VAPB: variants seen among roughly 807,000 people sequenced by gnomAD.
VAPB encodes vesicle-associated membrane protein-associated protein B/C.
VAPB carries 7 observed loss-of-function variants against 25.6 expected under a neutral mutation model. The ratio of observed to expected loss-of-function variants is 0.27; its 90% CI spans 0.16 to 0.51. The LOEUF (loss-of-function observed/expected upper bound fraction) is 0.51, where lower values mean the gene tolerates loss of function less well. VAPB is among the 20% of genes least tolerant of loss of function. The pLI is 0.97. For synonymous variants in VAPB, 112 were observed against 109.2 expected (o/e 1.03, Z -0.16); for missense variants, 266 against 301.3 (o/e 0.88, Z 0.87).
At chr20:58,395,428 C>A (rs1987932137) in intron 1 of VAPB, among the ~76,000 whole-genome samples, 1 of 152,150 alleles carries the variant, frequency 6.6e-6, no homozygotes, top group Non-Finnish European at 1.5e-5. Flanking sequence ...GGATTACAGA[C>A]ATGAGCCTCT....
intron 1 of VAPB, among the ~76,000 whole-genome samples, chr20:58,417,103 C>G (rs956251537): frequency 3.3e-5 from 5 of 152,140 alleles, no homozygotes; most frequent in Admixed American, 6.5e-5. Context: ...GAGTAAAGGA[C>G]TTGCCTAGAG....
chr20:58,434,411 T>C (rs1005289241), intron 2 of VAPB, among the ~76,000 whole-genome samples, 191 bp from the exon 3 acceptor site: 13 of 152,162 alleles, frequency 8.5e-5, no homozygotes, highest in Non-Finnish European at 7.3e-5. Flanking sequence ...ATGCGTGATT[T>C]TGTGGCTCTT....
intron 1 of VAPB, among the ~76,000 whole-genome samples, chr20:58,415,786 A>G (rs1350736421): frequency 6.6e-6 from 1 of 152,264 alleles, no homozygotes; most frequent in African/African-American, 2.4e-5. Context: ...AAAAGTCTGA[A>G]TGATGCTCAT....
At chr20:58,424,845 G>A (rs1456259881) in intron 2 of VAPB, among the ~76,000 whole-genome samples, 2 of 152,172 alleles carry the variant, frequency 1.3e-5, no homozygotes, top group Non-Finnish European at 2.9e-5. Context: ...GGAAAATCCT[G>A]TAGAGAACAC....
chr20:58,409,814 A>AAGGATAT (rs1389492152), intron 1 of VAPB, among the ~76,000 whole-genome samples: 1 of 152,064 alleles, frequency 6.6e-6, no homozygotes, highest in African/African-American at 2.4e-5. Context: ...ATAACAAAGG[A>AAGGATAT]AGGATATGTA....
chr20:58,413,663 C>T (rs1988439609), intron 1 of VAPB, among the ~76,000 whole-genome samples: 1 of 151,880 alleles, frequency 6.6e-6, no homozygotes, highest in African/African-American at 2.4e-5. Context: ...CTGTTGGGCA[C>T]ACCTCCCAGA....
intron 1 of VAPB, among the ~76,000 whole-genome samples, chr20:58,405,368 C>T (rs1230391380): frequency 2.6e-5 from 4 of 152,146 alleles, no homozygotes; most frequent in African/African-American, 9.7e-5. Flanking sequence ...AAGAAGAGGG[C>T]AGGAGCCTTG....
At chr20:58,428,796 T>C (rs759659331) in intron 2 of VAPB, among the ~76,000 whole-genome samples, 6 of 152,194 alleles carry the variant, frequency 3.9e-5, no homozygotes, top group Non-Finnish European at 7.4e-5. Context: ...ATAGAGCAAA[T>C]TGAATTTGAC....
At chr20:58,400,115 C>G (rs1205710281) in intron 1 of VAPB, among the ~76,000 whole-genome samples, 1 of 152,186 alleles carries the variant, frequency 6.6e-6, no homozygotes, top group Admixed American at 6.5e-5. Flanking sequence ...GTACCCGGGT[C>G]TTACAGCCTC....
chr20:58,444,811 G>A lies in VAPB; in HGVS notation c.*576G>A, dbSNP rs977380643. ...TCAGACGTACTCGTCATAAGTGAGA[G>A]GCGTGTGTTGACTGATTGACCCAGC... is the stretch of plus-strand genomic sequence containing the variant. On this transcript the variant is annotated 3_prime_UTR_variant, in exon 6 of 6. Coordinates refer to ENST00000475243, the MANE Select transcript of VAPB (RefSeq NM_004738.5). 35 of 454,470 alleles carry A rather than the reference G, an allele frequency of 7.7e-5. No homozygotes were observed. The highest frequency in any genetic ancestry group is 1.5e-4 in the Non-Finnish European group (34 of 226,804). 28.2% of individuals were successfully genotyped at this position (454,470 alleles called of 1,614,324 possible).
At chr20:58,414,597 G>A (rs1054998655) in intron 1 of VAPB, among the ~76,000 whole-genome samples, 5 of 150,234 alleles carry the variant, frequency 3.3e-5, no homozygotes, top group African/African-American at 1.2e-4. Flanking sequence ...GGGCGGCGGG[G>A]CAGAGGCGCT....
intron 5 of VAPB, among the ~76,000 whole-genome samples, chr20:58,442,051 G>A (rs1009920070): frequency 3.9e-5 from 6 of 152,224 alleles, no homozygotes; most frequent in African/African-American, 1.4e-4. Flanking sequence ...TTGTGGTGGT[G>A]TGGAAGTTGC....
At chr20:58,443,938 T>G (rs981188154) in intron 5 of VAPB, 139 bp from the exon 6 acceptor site, 10 of 1,221,026 alleles carry the variant, frequency 8.2e-6, no homozygotes, top group Non-Finnish European at 1.2e-5. Context: ...AGCCTGCAGT[T>G]TCTCCGTTTG....
intron 1 of VAPB, among the ~76,000 whole-genome samples, chr20:58,392,726 T>A (rs1987837381): frequency 6.6e-6 from 1 of 152,234 alleles, no homozygotes; most frequent in Non-Finnish European, 1.5e-5. Flanking sequence ...GGAAAAATTA[T>A]CTTTTAAATG....
chr20:58,437,583 A>G (rs1989076608), intron 3 of VAPB, among the ~76,000 whole-genome samples: 1 of 152,212 alleles, frequency 6.6e-6, no homozygotes, highest in Admixed American at 6.5e-5. Flanking sequence ...CCTGCTCGCC[A>G]GCAGTCTTTC....
At position 58,449,218 on chromosome 20, in the gene VAPB, T is replaced by G; in HGVS notation, c.*4983T>G. On this transcript the variant is annotated 3_prime_UTR_variant, in exon 6 of 6. Coordinates refer to ENST00000475243, the MANE Select transcript of VAPB (RefSeq NM_004738.5). ...CCACAGCCTAGAACATTAGCTGAGC[T>G]GCACAAGCTCACCCACCCCTGTGCC... 1 of 454,156 alleles carries G rather than the reference T, an allele frequency of 2.2e-6. No homozygotes were observed. The highest frequency in any genetic ancestry group is 4.4e-6 in the Non-Finnish European group (1 of 226,800). 28.1% of individuals were successfully genotyped at this position (454,156 alleles called of 1,614,324 possible). A position where few individuals can be genotyped will look rare whatever the true frequency, so the allele number is the denominator to read the frequency against.
At chr20:58,412,315 C>T (rs574322814) in intron 1 of VAPB, among the ~76,000 whole-genome samples, 1 of 152,094 alleles carries the variant, frequency 6.6e-6, no homozygotes, top group African/African-American at 2.4e-5. Flanking sequence ...CGTGGAGGCT[C>T]ACACCTCTAA....
intron 2 of VAPB, among the ~76,000 whole-genome samples, chr20:58,430,210 A>C (rs1236856266): frequency 6.6e-6 from 1 of 151,860 alleles, no homozygotes; most frequent in Non-Finnish European, 1.5e-5. Flanking sequence ...AAAAATTAGG[A>C]GACTGATACT....
chr20:58,450,076 G>A lies in VAPB; in HGVS notation c.*5841G>A, dbSNP rs369627857. ...AGAAATGAGTGTGCACGTTTCACAC[G>A]TTGACTTGCCGGTTTTTCCATGTCA... On this transcript the variant is annotated 3_prime_UTR_variant, in exon 6 of 6. Transcript: ENST00000475243. 1.1e-5 allele frequency: 5 copies of A among 453,918 alleles called. No individual in the cohort carries two copies. Among genetic ancestry groups the A allele is most frequent in the African/African-American group, 4.0e-5 (2 of 49,982 alleles). 28.1% of individuals were successfully genotyped at this position (453,918 alleles called of 1,614,324 possible).
Sources: gnomAD v4.1 joint callset for allele counts (sites outside exome capture counted in the v4.1 genomes callset) on GRCh38, gnomAD v4.1.1 for gene constraint, MANE v1.5 for transcripts, NCBI Gene and HGNC (gene_info 2026-07-23, HGNC 2026-07-21) for gene names.